The following NAV1 variants were observed in gnomAD, a reference collection of about 807,000 sequenced individuals.
NAV1 encodes the protein pore membrane and/or filament interacting like protein 3.
In NAV1, 18 loss-of-function variants were observed where a neutral mutation model predicts 175.2. That is an observed-to-expected ratio of 0.10 (90% CI 0.07 to 0.15). The LOEUF (loss-of-function observed/expected upper bound fraction) is 0.15. NAV1 is among the 10% of genes least tolerant of loss of function. The pLI, the probability that NAV1 is intolerant of heterozygous loss-of-function variation, is 1.00. For missense variants in NAV1, 1,731 were observed against 2,436.6 expected, an observed-to-expected ratio of 0.71 and a Z score of 6.10; for synonymous variants, 897 against 978.7, an observed-to-expected ratio of 0.92 and a Z score of 1.56.
rs1304051441 is a variant in NAV1 at position 201,642,960 on chromosome 1, GAGA to G, written c.5-5671_5-5669del. On this transcript the variant is annotated intron_variant, in intron 2 of 29. Transcript: ENST00000367302. ...AATTTTTTGTTTGTTTGTTTTAGTA[GAGA>G]AGGGGTTTCACCGTGTTAGCCAGGA... 2.0e-5 allele frequency among the ~76,000 whole-genome samples: 3 copies of G among 151,486 alleles called. No individual in the cohort carries two copies. In the East Asian group the frequency reaches 5.9e-4, roughly 30 times the overall value.
Position 201,675,795 on chromosome 1 carries a change from C to T in NAV1, c.757+26370C>T, listed in dbSNP as rs116664315. Reference sequence around the variant, plus strand: ...CCTAAACCCTGGCCTCCTGAGGCAACGAAGTTTGCCTATCTGGAACCATTT... The same window carrying T: ...CCTAAACCCTGGCCTCCTGAGGCAATGAAGTTTGCCTATCTGGAACCATTT... On this transcript the variant is annotated intron_variant, in intron 1 of 29. Coordinates refer to ENST00000367296, the Ensembl canonical transcript of NAV1. 4.7e-3 allele frequency among the ~76,000 whole-genome samples: 719 copies of T among 152,250 alleles called. 8 individuals carry two copies. Among genetic ancestry groups the T allele is most frequent in the African/African-American group, 0.016 (681 of 41,538 alleles).
chr1:201,781,097 T>C (rs1676297536), exon 5 of NAV1: 1 of 1,614,148 alleles, frequency 6.2e-7, no homozygotes, highest in Middle Eastern at 1.6e-4. Context: ...CCTAAAAAAC[T>C]GGAGTACGAC....
chr1:201,809,151 T>G lies in NAV1; in HGVS notation c.4208-13T>G, dbSNP rs750312821. ...TACTCCTAAAACCAGTTGGTTCTTT[T>G]CAATCCCCACAGACCTGTCACCCAT... On this transcript the variant is annotated splice_polypyrimidine_tract_variant and intron_variant, in intron 20 of 29. Transcript: ENST00000367296. 9 of 1,613,238 alleles carry G rather than the reference T, an allele frequency of 5.6e-6. No individual in the cohort carries two copies. The East Asian group carries it at 2.0e-4, about 36-fold the overall frequency.
At chr1:201,647,380 G>C (rs541987186), upstream of NAV1, among the ~76,000 whole-genome samples, 1 of 152,298 alleles carries the variant, frequency 6.6e-6, no homozygotes, top group East Asian at 1.9e-4. Context: ...GCAGGCAAGG[G>C]ACCCAGTGCA....
At position 201,808,666 on chromosome 1, in the gene NAV1, C is replaced by A. The variant is rs367847852; in HGVS notation, c.4039-37C>A. On this transcript the variant is annotated intron_variant, in intron 19 of 29. Transcript: ENST00000367296. The surrounding 1 kb of genome is among the most constrained non-coding windows in gnomAD (Gnocchi z 5.5). ...GGGAAGACCAAGGCTTGCTGTCTGT[C>A]CAGTCTGCCACCCTACCCTGTCTGT... The A allele has an allele frequency of 6.2e-7, 1 of 1,614,106 alleles. No individual in the cohort carries two copies. The highest frequency in any genetic ancestry group is 1.3e-5 in the African/African-American group (1 of 74,938).
intron 1 of NAV1, among the ~76,000 whole-genome samples, chr1:201,572,680 C>A (rs1666581181): frequency 6.6e-6 from 1 of 152,058 alleles, no homozygotes; most frequent in Non-Finnish European, 1.5e-5. Context: ...ATTCTAATTT[C>A]TTTTAGCCTT....
At chr1:201,682,941 A>G (rs764464733) in intron 1 of NAV1, among the ~76,000 whole-genome samples, 13 of 152,190 alleles carry the variant, frequency 8.5e-5, no homozygotes, top group Admixed American at 2.0e-4. Flanking sequence ...GTAACATCTT[A>G]CATTATTAGG....
intron 2 of NAV1, among the ~76,000 whole-genome samples, chr1:201,604,597 G>A (rs572144492): frequency 2.6e-5 from 4 of 151,632 alleles, no homozygotes; most frequent in Middle Eastern, 3.4e-3. Flanking sequence ...TGGTAGAATC[G>A]CTTGAACCTG....
chr1:201,594,139 G>C (rs487787), intron 2 of NAV1, among the ~76,000 whole-genome samples: 1 of 151,326 alleles, frequency 6.6e-6, no homozygotes, highest in African/African-American at 2.4e-5. Flanking sequence ...CTTCCACAGC[G>C]TGGAAGGGGA....
At chr1:201,736,221 G>A (rs2102538516) in intron 3 of NAV1, among the ~76,000 whole-genome samples, 1 of 152,308 alleles carries the variant, frequency 6.6e-6, no homozygotes, top group African/African-American at 2.4e-5. Flanking sequence ...TCAGTGGACA[G>A]AGTTGTGGAT....
At chr1:201,582,122 G>T (rs1392829331) in intron 1 of NAV1, among the ~76,000 whole-genome samples, 1 of 152,190 alleles carries the variant, frequency 6.6e-6, no homozygotes, top group Non-Finnish European at 1.5e-5. Flanking sequence ...CAGGAACAGA[G>T]CTGCCATGTT....
intron 1 of NAV1, among the ~76,000 whole-genome samples, chr1:201,654,342 T>C (rs1283564890): frequency 1.3e-5 from 2 of 152,060 alleles, no homozygotes; most frequent in East Asian, 3.9e-4. Context: ...GTTTCACCCC[T>C]TCCCACTTTC....
At chr1:201,619,157 C>A (rs542070810), upstream of NAV1, among the ~76,000 whole-genome samples, 1 of 152,212 alleles carries the variant, frequency 6.6e-6, no homozygotes, top group East Asian at 1.9e-4. Context: ...CTCCTCCCAT[C>A]GAGCTTTTGA....
At chr1:201,689,089 T>C (rs1364930058) in intron 1 of NAV1, among the ~76,000 whole-genome samples, 2 of 152,218 alleles carry the variant, frequency 1.3e-5, no homozygotes, top group Non-Finnish European at 2.9e-5. Context: ...TGGAAGAACA[T>C]GCCCTTCTCT....
At chr1:201,642,766 TTTCTC>T (rs1332879510) in intron 2 of NAV1, among the ~76,000 whole-genome samples, 76 of 149,258 alleles carry the variant, frequency 5.1e-4, no homozygotes, top group African/African-American at 1.8e-3. Flanking sequence ...TTTCTTTTCT[TTTCTC>T]TTCTCTTTTC....
At chr1:201,786,960 C>T (rs1676798534) in intron 9 of NAV1, among the ~76,000 whole-genome samples, 1 of 152,134 alleles carries the variant, frequency 6.6e-6, no homozygotes, top group Non-Finnish European at 1.5e-5. Context: ...AATGTCAGGC[C>T]GACGGGGAGG....
chr1:201,804,553 C>A, intron 17 of NAV1, 56 bp downstream of exon 21: 1 of 1,358,906 alleles, frequency 7.4e-7, no homozygotes, highest in Non-Finnish European at 1.0e-6. Flanking sequence ...CATACCTTCC[C>A]TATTTCCAGA....
chr1:201,684,786 A>T (rs544923336), intron 1 of NAV1, among the ~76,000 whole-genome samples: 4 of 151,722 alleles, frequency 2.6e-5, no homozygotes, highest in Non-Finnish European at 2.9e-5. Flanking sequence ...ATGCAGCTTT[A>T]AAAAACCCCA....
At chr1:201,684,722 G>A (rs868427810) in intron 1 of NAV1, among the ~76,000 whole-genome samples, 11 of 151,848 alleles carry the variant, frequency 7.2e-5, no homozygotes, top group South Asian at 2.1e-4. Context: ...TGATCCACTC[G>A]CCTCAGCCTC....
Sources: gnomAD v4.1 joint callset for allele counts (sites outside exome capture counted in the v4.1 genomes callset) on GRCh38, gnomAD v4.1.1 for gene constraint, Gnocchi (gnomAD v3.1) non-coding constraint, MANE v1.5 for transcripts, NCBI Gene and HGNC (gene_info 2026-07-23, HGNC 2026-07-21) for gene names.